Variants in RUVBL1 observed in about 807,000 individuals in gnomAD.
RUVBL1 encodes the protein ruvB-like 1.
Under a neutral mutation model 52.4 loss-of-function variants are expected in RUVBL1, and 4 were observed. The observed-to-expected ratio is 0.08, with a 90% CI of 0.04 to 0.17. The LOEUF (loss-of-function observed/expected upper bound fraction) is 0.17, where lower values mean the gene tolerates loss of function less well. Ranked by LOEUF, RUVBL1 falls within the 10% of genes least tolerant of loss-of-function variation. RUVBL1 has a pLI of 1.00. For missense variants in RUVBL1, 298 were observed against 572.8 expected (o/e 0.52, Z 4.90); for synonymous variants, 217 against 214.4 (o/e 1.01, Z -0.10).
intron 1 of RUVBL1, among the ~76,000 whole-genome samples, chr3:128,138,764 C>T (rs2107733165): frequency 6.6e-6 from 1 of 152,148 alleles, no homozygotes; most frequent in South Asian, 2.1e-4. Context: ...GCAAAAAGAA[C>T]AAAACTGTAG....
Position 128,082,872 on chromosome 3 carries a change from C to T in RUVBL1, c.1120-298G>A, listed in dbSNP as rs1011200114. Reference sequence around the variant, plus strand: ...CAGCTTCCCAAGTGGCTCACTCTTGCCTCCATGTCCTCCCGTCCCCTGTCC... The same window carrying T: ...CAGCTTCCCAAGTGGCTCACTCTTGTCTCCATGTCCTCCCGTCCCCTGTCC... On this transcript the variant is annotated intron_variant, in intron 9 of 10. Transcript: ENST00000322623. This position sits in a 1 kb window ranked among gnomAD's most constrained non-coding sequence, Gnocchi z 4.7. The T allele has an allele frequency of 1.5e-5, 4 of 273,700 alleles. No individual in the cohort carries two copies. The highest frequency in any genetic ancestry group is 2.8e-5 in the Non-Finnish European group (4 of 142,490). 17.0% of individuals were successfully genotyped at this position (273,700 alleles called of 1,614,324 possible).
chr3:128,114,658 A>T (rs774643800), intron 2 of RUVBL1, among the ~76,000 whole-genome samples: 3 of 152,122 alleles, frequency 2.0e-5, no homozygotes, highest in Non-Finnish European at 4.4e-5. Context: ...CACTTCCCTC[A>T]TCCCCGTTGC....
rs148203485 is a variant in RUVBL1 at position 128,089,262 on chromosome 3, G to A, written c.1017-1454C>T. ...GAATAACACCCCAGGGAGGAACCTT[G>A]CCAACCCACCAGACCCTGAGGTGCC... On this transcript the variant is annotated intron_variant, in intron 8 of 10. Coordinates refer to ENST00000322623, the MANE Select transcript of RUVBL1 (RefSeq NM_003707.3). Among the ~76,000 whole-genome samples, 288 of 152,304 alleles carry A rather than the reference G, an allele frequency of 1.9e-3. 2 individuals carry two copies. Among genetic ancestry groups the A allele is most frequent in the African/African-American group, 6.6e-3 (276 of 41,558 alleles).
At chr3:128,101,828 A>G (rs1251801672) in intron 4 of RUVBL1, among the ~76,000 whole-genome samples, 180 bp from the exon 5 acceptor site, 1 of 152,212 alleles carries the variant, frequency 6.6e-6, no homozygotes, top group African/African-American at 2.4e-5. Context: ...CACACAACAG[A>G]CTGGCTGGGG....
intron 2 of RUVBL1, among the ~76,000 whole-genome samples, chr3:128,115,038 T>C (rs1943488855): frequency 6.6e-6 from 1 of 152,194 alleles, no homozygotes; most frequent in South Asian, 2.1e-4. Flanking sequence ...GTGTCTCGTT[T>C]CCTCCATTTA....
At chr3:128,088,013 A>G (rs1238916790) in intron 8 of RUVBL1, among the ~76,000 whole-genome samples, 1 of 151,968 alleles carries the variant, frequency 6.6e-6, no homozygotes, top group Non-Finnish European at 1.5e-5. Flanking sequence ...AAATCCCAAC[A>G]CTTTGGGAGG....
At chr3:128,065,010 T>C in exon 10 of RUVBL1, 2 of 1,614,242 alleles carry the variant, frequency 1.2e-6, no homozygotes, top group Non-Finnish European at 1.7e-6. Context: ...CCACCATCTT[T>C]GTCTTTGCAG....
chr3:128,148,710 C>G (rs1016840367), intron 1 of RUVBL1, among the ~76,000 whole-genome samples: 1 of 152,162 alleles, frequency 6.6e-6, no homozygotes, highest in Non-Finnish European at 1.5e-5. Context: ...CTTATGTATC[C>G]TTGTAGGGCT....
At chr3:128,135,344 C>T (rs1943933385) in intron 1 of RUVBL1, among the ~76,000 whole-genome samples, 1 of 152,072 alleles carries the variant, frequency 6.6e-6, no homozygotes, top group Admixed American at 6.6e-5. Flanking sequence ...ACCAGCCTGG[C>T]AAATAGGGTG....
In RUVBL1 at chr3:128,153,371, A is replaced by T. The variant is rs2107746609; in HGVS notation, c.-208T>A. The T allele has an allele frequency of 1.0e-5, 14 of 1,387,264 alleles. 1 individual carries two copies. In the South Asian group the frequency reaches 2.1e-4, roughly 21 times the overall value. 85.9% of individuals were successfully genotyped at this position (1,387,264 alleles called of 1,614,324 possible). On this transcript the variant is annotated 5_prime_UTR_variant, in exon 1 of 10. Coordinates refer to the RUVBL1 transcript ENST00000464873. ...CTCGGCTGTGCCCGTGAGCCTCAGG[A>T]GGGCGGAAGCTTCCGGGCCGGAACG...
intron 1 of RUVBL1, among the ~76,000 whole-genome samples, chr3:128,151,682 A>T (rs1381724710): frequency 2.6e-5 from 4 of 152,066 alleles, no homozygotes; most frequent in Non-Finnish European, 4.4e-5. Context: ...CGCTCTCATG[A>T]TCTCATCTAA....
At chr3:128,112,409 A>G (rs1394303247) in intron 3 of RUVBL1, among the ~76,000 whole-genome samples, 3 of 152,182 alleles carry the variant, frequency 2.0e-5, no homozygotes, top group Non-Finnish European at 4.4e-5. Context: ...TGAGGCCCTA[A>G]GGGTTAGGCG....
At chr3:128,075,538 G>T (rs1490400048) in intron 9 of RUVBL1, among the ~76,000 whole-genome samples, 2 of 152,186 alleles carry the variant, frequency 1.3e-5, no homozygotes, top group African/African-American at 4.8e-5. Flanking sequence ...GCATGCACGG[G>T]GGGACACACG....
chr3:128,152,724 C>G (rs979708576), intron 1 of RUVBL1, among the ~76,000 whole-genome samples: 3 of 152,132 alleles, frequency 2.0e-5, no homozygotes, highest in Non-Finnish European at 2.9e-5. Context: ...AGCCGCGGAC[C>G]TTCGCAGTGA....
chr3:128,072,922 G>T (rs1942209146), intron 9 of RUVBL1, among the ~76,000 whole-genome samples: 1 of 152,176 alleles, frequency 6.6e-6, no homozygotes, highest in Admixed American at 6.5e-5. Context: ...TGATGGGGGG[G>T]TAAGGCTTAC....
chr3:128,072,104 C>T (rs1272106212), intron 9 of RUVBL1, among the ~76,000 whole-genome samples: 1 of 152,224 alleles, frequency 6.6e-6, no homozygotes, highest in Non-Finnish European at 1.5e-5. Flanking sequence ...TGGCCTCAGA[C>T]CCGACCTGTA....
chr3:128,129,820 A>G (rs902405778), intron 1 of RUVBL1, among the ~76,000 whole-genome samples: 4 of 152,246 alleles, frequency 2.6e-5, no homozygotes, highest in Non-Finnish European at 5.9e-5. Flanking sequence ...TTAAATTCAT[A>G]AAGACAAAAA....
chr3:128,097,828 T>C (rs1157636923), intron 7 of RUVBL1, among the ~76,000 whole-genome samples: 2 of 152,338 alleles, frequency 1.3e-5, no homozygotes, highest in Admixed American at 1.3e-4. Context: ...GCCTTATCAC[T>C]TCCCACATAC....
At chr3:128,148,121 CTT>C (rs113586064) in intron 1 of RUVBL1, among the ~76,000 whole-genome samples, 2 of 143,470 alleles carry the variant, frequency 1.4e-5, no homozygotes, top group Non-Finnish European at 3.1e-5. Flanking sequence ...TCATAAAGGG[CTT>C]TTTTTTTTTT....
Sources: allele counts gnomAD v4.1 joint callset (sites outside exome capture counted in the v4.1 genomes callset), GRCh38; gene constraint gnomAD v4.1.1; non-coding constraint Gnocchi (gnomAD v3.1); transcripts MANE v1.5; gene names NCBI Gene and HGNC (gene_info 2026-07-23, HGNC 2026-07-21).